PLEKHG1: variants seen among roughly 807,000 people sequenced by gnomAD.
PLEKHG1 encodes the protein pleckstrin homology and RhoGEF domain containing G1, also known as pleckstrin homology domain-containing family G member 1.
PLEKHG1 carries 44 observed loss-of-function variants against 100.8 expected under a neutral mutation model. That is an observed-to-expected ratio of 0.44 (90% CI 0.34 to 0.56). The LOEUF (loss-of-function observed/expected upper bound fraction) is 0.56. Among genes scored for constraint, PLEKHG1 ranks in the 20% least tolerant of loss-of-function variants. The pLI, the probability that PLEKHG1 is intolerant of heterozygous loss-of-function variation, is 0.01. For synonymous variants in PLEKHG1, 640 were observed against 662.5 expected (o/e 0.97, Z 0.52); for missense variants, 1,545 against 1,720.9 (o/e 0.90, Z 1.81).
chr6:150,742,287 G>A (rs979508539), intron 2 of PLEKHG1, among the ~76,000 whole-genome samples: 2 of 152,162 alleles, frequency 1.3e-5, no homozygotes, highest in African/African-American at 4.8e-5. Context: ...GAACGTGGTG[G>A]CCAGGTGCAG....
chr6:150,603,153 G>A (rs1051281053), intron 1 of PLEKHG1, among the ~76,000 whole-genome samples: 6 of 151,138 alleles, frequency 4.0e-5, no homozygotes, highest in Non-Finnish European at 8.9e-5. Flanking sequence ...GGAAAAATAT[G>A]GTTTCTAATG....
intron 1 of PLEKHG1, among the ~76,000 whole-genome samples, chr6:150,603,717 ATAC>A (rs1776466831): frequency 6.7e-6 from 1 of 149,704 alleles, no homozygotes; most frequent in Admixed American, 6.7e-5. Flanking sequence ...TTCTGATGAG[ATAC>A]AAGCCAAAGT....
chr6:150,683,517 G>T lies in PLEKHG1; in HGVS notation c.-99+32731G>T. The T allele has an allele frequency of 4.3e-6, 1 of 230,696 alleles. No individual in the cohort carries two copies. The highest frequency in any genetic ancestry group is 8.7e-6 in the Non-Finnish European group (1 of 115,418). 14.3% of individuals were successfully genotyped at this position (230,696 alleles called of 1,614,324 possible). On this transcript the variant is annotated intron_variant, in intron 3 of 3. Coordinates refer to the PLEKHG1 transcript ENST00000367326. The surrounding 1 kb of genome is among the most constrained non-coding windows in gnomAD (Gnocchi z 4.0). ...GGAAGCACGTGTGTGTGTGTGGAAGGGTGGCGCTGACCTCCCAGACAGGAC... is the reference window on the plus strand; with the variant it reads ...GGAAGCACGTGTGTGTGTGTGGAAGTGTGGCGCTGACCTCCCAGACAGGAC...
chr6:150,625,259 T>C (rs1169285845), intron 1 of PLEKHG1, among the ~76,000 whole-genome samples: 1 of 152,168 alleles, frequency 6.6e-6, no homozygotes, highest in Non-Finnish European at 1.5e-5. Flanking sequence ...GACAGAAATA[T>C]ATTTTCTCAC....
intron 1 of PLEKHG1, among the ~76,000 whole-genome samples, chr6:150,603,066 C>G (rs13211204): frequency 0.19 from 22,640 of 121,852 alleles, 1,977 homozygotes; most frequent in Middle Eastern, 0.24. Flanking sequence ...TGGGCGACAG[C>G]GAGACTCCGT....
At chr6:150,803,222 CA>C (rs1325934298) in intron 6 of PLEKHG1, among the ~76,000 whole-genome samples, 1 of 152,136 alleles carries the variant, frequency 6.6e-6, no homozygotes, top group African/African-American at 2.4e-5. Flanking sequence ...ATTGTTACTA[CA>C]AAATAATGGA....
intron 1 of PLEKHG1, among the ~76,000 whole-genome samples, chr6:150,608,055 T>C (rs1776675381): frequency 7.2e-5 from 11 of 152,180 alleles, no homozygotes; most frequent in Admixed American, 7.2e-4. Context: ...ATATCTGACC[T>C]TGAAGCTGAA....
At chr6:150,802,345 A>G (rs779708008) in intron 6 of PLEKHG1, among the ~76,000 whole-genome samples, 6 of 152,164 alleles carry the variant, frequency 3.9e-5, no homozygotes, top group Non-Finnish European at 8.8e-5. Context: ...TATTTGTCTC[A>G]GGACACATCT....
intron 13 of PLEKHG1, among the ~76,000 whole-genome samples, chr6:150,822,116 C>G (rs1776334955): frequency 8.7e-6 from 1 of 114,918 alleles, no homozygotes; most frequent in Non-Finnish European, 1.6e-5. Flanking sequence ...GCTGGGATTA[C>G]AGGCGTGAGC....
intron 14 of PLEKHG1, among the ~76,000 whole-genome samples, chr6:150,827,371 G>A (rs1776670386): frequency 1.3e-5 from 2 of 150,972 alleles, no homozygotes; most frequent in Admixed American, 6.6e-5. Context: ...TCCGCCTCCC[G>A]GGTTCAAGCG....
intron 7 of PLEKHG1, 109 bp downstream of exon 8, chr6:150,804,850 C>T: frequency 1.0e-6 from 1 of 958,830 alleles, no homozygotes; most frequent in South Asian, 1.8e-5. Flanking sequence ...TCATCATCTT[C>T]AGTGTAGTTC....
chr6:150,742,349 G>A (rs549137228), intron 2 of PLEKHG1, among the ~76,000 whole-genome samples: 3 of 152,190 alleles, frequency 2.0e-5, no homozygotes, highest in South Asian at 2.1e-4. Flanking sequence ...GGCGGATCAC[G>A]ATGTCAGGAG....
intron 6 of PLEKHG1, among the ~76,000 whole-genome samples, chr6:150,803,892 C>T (rs940310891): frequency 2.6e-5 from 4 of 151,796 alleles, no homozygotes; most frequent in Non-Finnish European, 5.9e-5. Context: ...AACTATATTT[C>T]TGAGAACTGT....
At chr6:150,755,036 C>A (rs575714550) in intron 2 of PLEKHG1, among the ~76,000 whole-genome samples, 18 of 151,632 alleles carry the variant, frequency 1.2e-4, no homozygotes, top group Admixed American at 2.6e-4. Flanking sequence ...AGTCCTGTGG[C>A]GTGATCATAC....
intron 1 of PLEKHG1, among the ~76,000 whole-genome samples, chr6:150,616,009 CAA>C (rs979391837): frequency 1.3e-5 from 2 of 152,084 alleles, no homozygotes; most frequent in African/African-American, 2.4e-5. Flanking sequence ...GAAACTGAGG[CAA>C]GCAAAAGATG....
chr6:150,686,066 T>C (rs1780119274), intron 3 of PLEKHG1, among the ~76,000 whole-genome samples: 1 of 152,192 alleles, frequency 6.6e-6, no homozygotes, highest in Non-Finnish European at 1.5e-5. Context: ...ATGCAGTCAT[T>C]GGTCACTGCC....
intron 1 of PLEKHG1, among the ~76,000 whole-genome samples, chr6:150,612,321 TTTTG>T (rs562744809): frequency 1.3e-5 from 2 of 151,656 alleles, no homozygotes; most frequent in African/African-American, 4.8e-5. Flanking sequence ...TTTTGTGGGG[TTTTG>T]TTTGTTTGTT....
At chr6:150,674,342 G>A (rs373718640) in intron 3 of PLEKHG1, among the ~76,000 whole-genome samples, 127 of 152,224 alleles carry the variant, frequency 8.3e-4, no homozygotes, top group African/African-American at 2.9e-3. Context: ...CAGTTAAGCA[G>A]AACTTTTCAT....
At chr6:150,777,837 G>A (rs915360468) in intron 3 of PLEKHG1, among the ~76,000 whole-genome samples, 4 of 152,276 alleles carry the variant, frequency 2.6e-5, no homozygotes, top group African/African-American at 4.8e-5. Flanking sequence ...CACATGTGCT[G>A]TTGCACGTTA....
Sources: gnomAD v4.1 joint callset for allele counts (sites outside exome capture counted in the v4.1 genomes callset) on GRCh38, gnomAD v4.1.1 for gene constraint, Gnocchi (gnomAD v3.1) non-coding constraint, MANE v1.5 for transcripts, NCBI Gene and HGNC (gene_info 2026-07-23, HGNC 2026-07-21) for gene names.